The following PDIA5 variants were observed in gnomAD, a reference collection of about 807,000 sequenced individuals.
The protein encoded by PDIA5 is protein disulfide-isomerase A5.
In PDIA5, 58 loss-of-function variants were observed where a neutral mutation model predicts 77.6. The observed-to-expected ratio is 0.75, with a 90% CI of 0.61 to 0.93. The LOEUF (loss-of-function observed/expected upper bound fraction) is 0.93. Ranked by LOEUF, PDIA5 falls within the 40% of genes least tolerant of loss-of-function variation. PDIA5 has a pLI of 0.00. For synonymous variants in PDIA5, 250 were observed against 252.1 expected, an observed-to-expected ratio of 0.99 and a Z score of 0.08; for missense variants, 630 against 647.7, an observed-to-expected ratio of 0.97 and a Z score of 0.30.
At chr3:123,129,010 C>T (rs1382091886) in intron 10 of PDIA5, among the ~76,000 whole-genome samples, 5 of 152,216 alleles carry the variant, frequency 3.3e-5, no homozygotes, top group Non-Finnish European at 5.9e-5. Context: ...GCTCAGCCCT[C>T]CCTCGTGTAG....
At chr3:123,073,479 A>G (rs1933778506) in intron 1 of PDIA5, among the ~76,000 whole-genome samples, 1 of 152,186 alleles carries the variant, frequency 6.6e-6, no homozygotes, top group Non-Finnish European at 1.5e-5. Flanking sequence ...AGCCAGGTAC[A>G]TGCTGACTGT....
At chr3:123,092,616 G>A (rs1356405137) in intron 3 of PDIA5, among the ~76,000 whole-genome samples, 174 bp downstream of exon 3, 1 of 152,136 alleles carries the variant, frequency 6.6e-6, no homozygotes, top group African/African-American at 2.4e-5. Flanking sequence ...GTGGTGTCTG[G>A]CTTTCCACCC....
intron 3 of PDIA5, among the ~76,000 whole-genome samples, chr3:123,095,728 T>A (rs1934417247): frequency 7.3e-6 from 1 of 136,682 alleles, no homozygotes; most frequent in African/African-American, 2.9e-5. Flanking sequence ...CAGCTTGGGC[T>A]ACAAGAGCAA....
rs147065294 is a variant in PDIA5, at chr3:123,149,305, G to A, written c.1143-929G>A. ...TTCTTCTCAGCCATGGAAATCACTGGAGCCATGCAGAGGAATGAGATCTTT... is the reference window on the plus strand; with the variant it reads ...TTCTTCTCAGCCATGGAAATCACTGAAGCCATGCAGAGGAATGAGATCTTT... On this transcript the variant is annotated intron_variant, in intron 13 of 16. Transcript: ENST00000316218. Among the ~76,000 whole-genome samples, 265 of 152,332 alleles carry A rather than the reference G, an allele frequency of 1.7e-3. 1 individual carries two copies. The highest frequency in any genetic ancestry group is 3.1e-3 in the Non-Finnish European group (208 of 68,036).
At chr3:123,157,446 T>C (rs892932757) in intron 15 of PDIA5, among the ~76,000 whole-genome samples, 2 of 152,130 alleles carry the variant, frequency 1.3e-5, no homozygotes, top group African/African-American at 4.8e-5. Flanking sequence ...CCCTCTCCCT[T>C]TACTCGTGAG....
chr3:123,161,267 C>G, intron 15 of PDIA5, 54 bp from the exon 16 acceptor site: 1 of 1,582,980 alleles, frequency 6.3e-7, no homozygotes, highest in Non-Finnish European at 8.6e-7. Context: ...GTTGTGGGGT[C>G]CAGGCCTCAG....
chr3:123,078,251 C>G (rs569190410), intron 1 of PDIA5, among the ~76,000 whole-genome samples: 44 of 152,150 alleles, frequency 2.9e-4, no homozygotes, highest in Non-Finnish European at 4.1e-4. Flanking sequence ...TGAACGGAGG[C>G]GAGACAGTTC....
At chr3:123,104,479 C>T (rs1392681279) in intron 5 of PDIA5, among the ~76,000 whole-genome samples, 1 of 152,234 alleles carries the variant, frequency 6.6e-6, no homozygotes, top group Non-Finnish European at 1.5e-5. Flanking sequence ...AGGAGGGGCC[C>T]ATCACCTGCA....
chr3:123,097,524 A>G (rs866540168), intron 3 of PDIA5, among the ~76,000 whole-genome samples: 16 of 152,252 alleles, frequency 1.1e-4, no homozygotes, highest in Non-Finnish European at 1.8e-4. Flanking sequence ...TCCTTCAGAG[A>G]GTGCTACGTG....
intron 11 of PDIA5, chr3:123,145,159 T>A (rs1935738499): frequency 5.0e-6 from 1 of 200,140 alleles, no homozygotes; most frequent in African/African-American, 2.4e-5. Flanking sequence ...TGGCTGTGTA[T>A]ATGGCCTTGG....
intron 6 of PDIA5, among the ~76,000 whole-genome samples, 166 bp downstream of exon 6, chr3:123,107,007 C>T (rs2247564): frequency 0.63 from 95,527 of 152,024 alleles, 31,665 homozygotes; most frequent in Middle Eastern, 0.76. Context: ...CTCCCCTTCC[C>T]AGCTCCATGT....
At chr3:123,109,092 C>T (rs781651274) in intron 6 of PDIA5, among the ~76,000 whole-genome samples, 3 of 152,216 alleles carry the variant, frequency 2.0e-5, no homozygotes, top group Non-Finnish European at 4.4e-5. Flanking sequence ...TCTTCTGTAA[C>T]TGTAGGAATA....
At chr3:123,099,888 A>G (rs939800728) in intron 3 of PDIA5, among the ~76,000 whole-genome samples, 1 of 152,266 alleles carries the variant, frequency 6.6e-6, no homozygotes, top group African/African-American at 2.4e-5. Context: ...AGAGAGGAGC[A>G]TGGGGTGGGG....
At chr3:123,120,014 C>T (rs562341668) in intron 8 of PDIA5, among the ~76,000 whole-genome samples, 1 of 152,342 alleles carries the variant, frequency 6.6e-6, no homozygotes, top group East Asian at 1.9e-4. Flanking sequence ...CTCATCGCGT[C>T]TGTCCCATCT....
intron 14 of PDIA5, among the ~76,000 whole-genome samples, chr3:123,154,060 G>A (rs1458762489): frequency 6.6e-6 from 1 of 152,166 alleles, no homozygotes; most frequent in South Asian, 2.1e-4. Flanking sequence ...TGATCTGTTA[G>A]TGCTGAGGGA....
At chr3:123,084,604 C>T (rs1241975694) in intron 1 of PDIA5, among the ~76,000 whole-genome samples, 1 of 152,142 alleles carries the variant, frequency 6.6e-6, no homozygotes, top group Non-Finnish European at 1.5e-5. Context: ...TCTACCTGTC[C>T]AAAACCTGAG....
intron 1 of PDIA5, among the ~76,000 whole-genome samples, chr3:123,075,309 A>C (rs1933825417): frequency 6.6e-6 from 1 of 152,210 alleles, no homozygotes; most frequent in Non-Finnish European, 1.5e-5. Flanking sequence ...GGTGCTGTTC[A>C]GGAGAGTGGG....
chr3:123,121,398 T>G (rs1211810365), intron 8 of PDIA5, among the ~76,000 whole-genome samples: 1 of 152,200 alleles, frequency 6.6e-6, no homozygotes, highest in African/African-American at 2.4e-5. Flanking sequence ...TCTTATCTTC[T>G]CCACAGGCCG....
At chr3:123,158,492 C>G (rs1936072043) in intron 15 of PDIA5, among the ~76,000 whole-genome samples, 1 of 152,100 alleles carries the variant, frequency 6.6e-6, no homozygotes, top group South Asian at 2.1e-4. Context: ...GGGGAGGAAC[C>G]AAAGCAGGTG....
Sources: allele counts gnomAD v4.1 joint callset (sites outside exome capture counted in the v4.1 genomes callset), GRCh38; gene constraint gnomAD v4.1.1; transcripts MANE v1.5; gene names NCBI Gene and HGNC (gene_info 2026-07-23, HGNC 2026-07-21).